The following PRKAG2 variants were observed in gnomAD, a reference collection of about 807,000 sequenced individuals.
PRKAG2 encodes protein kinase AMP-activated non-catalytic subunit gamma 2.
PRKAG2 carries 26 observed loss-of-function variants against 69.6 expected under a neutral mutation model. That is an observed-to-expected ratio of 0.37 (90% CI 0.27 to 0.52). PRKAG2 has a LOEUF of 0.52. Among genes scored for constraint, PRKAG2 ranks in the 20% least tolerant of loss-of-function variants. The pLI is 0.90. For missense variants in PRKAG2, 557 were observed against 740.0 expected, an observed-to-expected ratio of 0.75 and a Z score of 2.87; for synonymous variants, 293 against 285.0, an observed-to-expected ratio of 1.03 and a Z score of -0.28.
At chr7:151,692,907 A>G (rs1835911359) in intron 3 of PRKAG2, among the ~76,000 whole-genome samples, 1 of 152,158 alleles carries the variant, frequency 6.6e-6, no homozygotes, top group African/African-American at 2.4e-5. Context: ...GCGAGGTCTC[A>G]GAGGCTCAGG....
At chr7:151,676,831 C>T (rs1020478407) in intron 3 of PRKAG2, among the ~76,000 whole-genome samples, 2 of 152,084 alleles carry the variant, frequency 1.3e-5, no homozygotes, top group South Asian at 2.1e-4. Context: ...GACTGGTGTC[C>T]TTATAAGAAG....
chr7:151,635,955 C>T (rs145763290), intron 4 of PRKAG2, among the ~76,000 whole-genome samples: 21,671 of 151,368 alleles, frequency 0.14, 1,904 homozygotes, highest in African/African-American at 0.23. Flanking sequence ...GCCAGCTCCA[C>T]CTCCCGGGTT....
chr7:151,594,651 A>G (rs888543949), intron 6 of PRKAG2, among the ~76,000 whole-genome samples: 1 of 152,212 alleles, frequency 6.6e-6, no homozygotes, highest in Non-Finnish European at 1.5e-5. Flanking sequence ...AAGAAAGACC[A>G]TGAGGATATA....
chr7:151,593,804 A>C (rs1160011166), intron 6 of PRKAG2, among the ~76,000 whole-genome samples: 1 of 152,256 alleles, frequency 6.6e-6, no homozygotes, highest in African/African-American at 2.4e-5. Context: ...TACCTGGTCC[A>C]AAGTGAACTC....
intron 5 of PRKAG2, among the ~76,000 whole-genome samples, chr7:151,630,055 C>T (rs1824009022): frequency 6.6e-6 from 1 of 152,192 alleles, no homozygotes; most frequent in African/African-American, 2.4e-5. Context: ...CACTGTTTAA[C>T]ATTCTGCCTC....
At chr7:151,729,867 G>A (rs558505336) in intron 3 of PRKAG2, among the ~76,000 whole-genome samples, 12 of 152,252 alleles carry the variant, frequency 7.9e-5, no homozygotes, top group Admixed American at 2.6e-4. Flanking sequence ...CTGCCTCCAC[G>A]GCATCACCAC....
intron 3 of PRKAG2, among the ~76,000 whole-genome samples, chr7:151,770,863 C>A (rs552235681): frequency 1.1e-4 from 16 of 152,308 alleles, no homozygotes; most frequent in Non-Finnish European, 2.4e-4. Flanking sequence ...ATGCCCCACG[C>A]CCCATCCCCG....
At chr7:151,782,733 A>T (rs2076783228) in intron 2 of PRKAG2, among the ~76,000 whole-genome samples, 1 of 152,154 alleles carries the variant, frequency 6.6e-6, no homozygotes, top group Non-Finnish European at 1.5e-5. Flanking sequence ...CTGTAAAATG[A>T]GGATGGCCGT....
At chr7:151,706,696 C>A (rs746263019) in intron 3 of PRKAG2, among the ~76,000 whole-genome samples, 21 of 152,268 alleles carry the variant, frequency 1.4e-4, no homozygotes, top group Non-Finnish European at 2.4e-4. Flanking sequence ...AAGATGCAAA[C>A]CCATTTTGGC....
chr7:151,856,926 A>G (rs751292467), intron 1 of PRKAG2, among the ~76,000 whole-genome samples: 8 of 152,168 alleles, frequency 5.3e-5, no homozygotes, highest in Non-Finnish European at 1.2e-4. Flanking sequence ...CGGAGCAGAG[A>G]AAGAGGAAAG....
At chr7:151,717,669 T>G (rs1796390889) in intron 3 of PRKAG2, among the ~76,000 whole-genome samples, 2 of 152,160 alleles carry the variant, frequency 1.3e-5, no homozygotes. Context: ...CATGTGTGAG[T>G]AGCCATGCCC....
intron 1 of PRKAG2, among the ~76,000 whole-genome samples, chr7:151,799,336 T>G (rs11768953): frequency 0.17 from 25,676 of 152,248 alleles, 2,413 homozygotes; most frequent in East Asian, 0.28. Context: ...TGCTTCTGAC[T>G]TTCTAGCTTG....
At chr7:151,800,970 C>T (rs1283861707) in intron 1 of PRKAG2, among the ~76,000 whole-genome samples, 1 of 152,200 alleles carries the variant, frequency 6.6e-6, no homozygotes, top group Non-Finnish European at 1.5e-5. Context: ...ACCCTCTGAA[C>T]TTTCCGCTTC....
At chr7:151,653,299 A>G (rs1828850462) in intron 4 of PRKAG2, among the ~76,000 whole-genome samples, 1 of 152,206 alleles carries the variant, frequency 6.6e-6, no homozygotes, top group African/African-American at 2.4e-5. Flanking sequence ...CCACATACAT[A>G]TTTTAAAGTG....
At chr7:151,563,952 A>G (rs557655175) in intron 14 of PRKAG2, 126 bp downstream of exon 14, 133 of 1,292,642 alleles carry the variant, frequency 1.0e-4, no homozygotes, top group Non-Finnish European at 1.4e-4. Context: ...AGGGAATCCC[A>G]TCGACTGAAC....
chr7:151,873,577 A>C (rs2080269322), intron 1 of PRKAG2, among the ~76,000 whole-genome samples: 1 of 152,096 alleles, frequency 6.6e-6, no homozygotes, highest in South Asian at 2.1e-4. Flanking sequence ...TCTCACCCTA[A>C]CCAGAGCCTG....
chr7:151,849,903 C>G (rs1477659038), intron 1 of PRKAG2, among the ~76,000 whole-genome samples: 3 of 152,180 alleles, frequency 2.0e-5, no homozygotes, highest in Non-Finnish European at 4.4e-5. Context: ...TAGGACCTCT[C>G]TATATATTTT....
At chr7:151,564,536 T>C (rs972866061) in intron 13 of PRKAG2, among the ~76,000 whole-genome samples, 15 of 152,204 alleles carry the variant, frequency 9.9e-5, no homozygotes, top group Admixed American at 4.6e-4. Context: ...CTCTCTACCA[T>C]GCATGGATGA....
chr7:151,791,898 A>C (rs972493158), intron 1 of PRKAG2, among the ~76,000 whole-genome samples: 3 of 152,244 alleles, frequency 2.0e-5, no homozygotes, highest in Non-Finnish European at 4.4e-5. Context: ...ACAGCAACCC[A>C]CACAAGTAGG....
Sources: allele counts gnomAD v4.1 joint callset (sites outside exome capture counted in the v4.1 genomes callset), GRCh38; gene constraint gnomAD v4.1.1; transcripts MANE v1.5; gene names NCBI Gene and HGNC (gene_info 2026-07-23, HGNC 2026-07-21).